Variants in THSD7B observed in about 807,000 individuals in gnomAD.
THSD7B encodes the protein thrombospondin type-1 domain-containing protein 7B.
THSD7B carries 138 observed loss-of-function variants against 213.6 expected under a neutral mutation model. The observed-to-expected ratio is 0.65, with a 90% CI of 0.56 to 0.74. THSD7B has a LOEUF of 0.74. THSD7B is among the 30% of genes least tolerant of loss of function. The probability of loss-of-function intolerance (pLI) is 0.00; values close to 1 mark genes in which losing one functional copy is unlikely to be tolerated. For synonymous variants in THSD7B, 742 were observed against 687.0 expected, an observed-to-expected ratio of 1.08 and a Z score of -1.25; for missense variants, 1,931 against 1,991.5, an observed-to-expected ratio of 0.97 and a Z score of 0.58.
intron 12 of THSD7B, among the ~76,000 whole-genome samples, chr2:137,362,149 G>A (rs999809752): frequency 6.6e-6 from 1 of 152,090 alleles, no homozygotes; most frequent in African/African-American, 2.4e-5. Flanking sequence ...CCTAAGTGAA[G>A]GAGAAATAAA....
At chr2:136,971,992 C>G (rs565228393) in intron 2 of THSD7B, among the ~76,000 whole-genome samples, 13 of 152,108 alleles carry the variant, frequency 8.5e-5, no homozygotes, top group Non-Finnish European at 1.9e-4. Flanking sequence ...AAAGTCCAGA[C>G]ACAGAAAGCA....
At chr2:136,879,458 T>A (rs1348242792) in intron 1 of THSD7B, among the ~76,000 whole-genome samples, 1 of 152,184 alleles carries the variant, frequency 6.6e-6, no homozygotes, top group Non-Finnish European at 1.5e-5. Flanking sequence ...GTGAAGAAAG[T>A]CATTGGTAGC....
At chr2:137,050,711 A>G (rs866044216) in intron 2 of THSD7B, among the ~76,000 whole-genome samples, 4 of 152,166 alleles carry the variant, frequency 2.6e-5, no homozygotes, top group African/African-American at 9.7e-5. Flanking sequence ...TTTAACACAC[A>G]TATTCAGGCC....
intron 2 of THSD7B, among the ~76,000 whole-genome samples, chr2:137,001,527 A>C (rs528117753): frequency 6.6e-6 from 1 of 152,254 alleles, no homozygotes; most frequent in Admixed American, 6.5e-5. Flanking sequence ...TTTTGAGCTC[A>C]GGAGGAAGAA....
intron 12 of THSD7B, among the ~76,000 whole-genome samples, chr2:137,346,066 T>C (rs944918031): frequency 6.6e-6 from 1 of 151,616 alleles, no homozygotes; most frequent in African/African-American, 2.4e-5. Context: ...TTATCCTCTT[T>C]ACTTTTGTTT....
intron 15 of THSD7B, among the ~76,000 whole-genome samples, chr2:137,454,191 T>C (rs1411307306): frequency 6.6e-6 from 1 of 152,188 alleles, no homozygotes; most frequent in East Asian, 1.9e-4. Flanking sequence ...CATATAATTT[T>C]CCATAATGGC....
rs66506919 is a variant in THSD7B at position 137,141,684 on chromosome 2, C to CGTGT, written c.1370-18512_1370-18509dup. 1.0e-4 allele frequency among the ~76,000 whole-genome samples: 15 copies of CGTGT among 150,584 alleles called. No homozygotes were observed. The South Asian group carries it at 1.7e-3, about 17-fold the overall frequency. ...CCATGCCCCTGTGTGTGTGTATGTG[C>CGTGT]GTGTGTGTGTGTGTGTGTGTTTGTA... On this transcript the variant is annotated intron_variant, in intron 5 of 27. Coordinates refer to ENST00000409968, the MANE Select transcript of THSD7B (RefSeq NM_001316349.2).
intron 2 of THSD7B, among the ~76,000 whole-genome samples, chr2:136,973,185 A>G (rs1403271891): frequency 6.6e-6 from 1 of 152,158 alleles, no homozygotes; most frequent in Non-Finnish European, 1.5e-5. Flanking sequence ...CTTATTTTGT[A>G]TTATAATCAG....
chr2:137,448,649 A>T (rs973078331), intron 14 of THSD7B, among the ~76,000 whole-genome samples: 1 of 152,132 alleles, frequency 6.6e-6, no homozygotes, highest in South Asian at 2.1e-4. Flanking sequence ...TACAAAAAAA[A>T]TTAGCCGGGA....
intron 12 of THSD7B, among the ~76,000 whole-genome samples, chr2:137,375,247 C>G (rs1280780878): frequency 2.0e-5 from 3 of 152,006 alleles, no homozygotes. Context: ...CATTGGAAGG[C>G]AGTTTTATAC....
intron 1 of THSD7B, among the ~76,000 whole-genome samples, chr2:136,865,623 G>A (rs1040038144): frequency 1.3e-5 from 2 of 152,062 alleles, no homozygotes; most frequent in African/African-American, 4.8e-5. Flanking sequence ...ATTTCTTCTT[G>A]TCCATGTGAG....
chr2:137,101,194 T>C (rs1270239264), intron 4 of THSD7B, among the ~76,000 whole-genome samples: 2 of 152,016 alleles, frequency 1.3e-5, no homozygotes, highest in Non-Finnish European at 2.9e-5. Flanking sequence ...TGTGCCACCA[T>C]GCCTGGCTGA....
intron 1 of THSD7B, among the ~76,000 whole-genome samples, chr2:136,819,042 G>A (rs1047893348): frequency 1.3e-5 from 2 of 152,080 alleles, no homozygotes; most frequent in Admixed American, 6.6e-5. Flanking sequence ...CATGTAAAAC[G>A]AACTGAGCGG....
intron 1 of THSD7B, among the ~76,000 whole-genome samples, chr2:136,845,140 C>G (rs1463204340): frequency 6.6e-6 from 1 of 152,144 alleles, no homozygotes; most frequent in South Asian, 2.1e-4. Flanking sequence ...GATTGTAATT[C>G]TCTAGAGATG....
rs1680727108 is a variant in THSD7B, at chr2:137,546,434, ATTATATATATT to A, written c.3139-16786_3139-16776del. On this transcript the variant is annotated intron_variant, in intron 15 of 27. Coordinates refer to ENST00000409968, the MANE Select transcript of THSD7B (RefSeq NM_001316349.2). ...TATATATTATATATATTATATATAT[ATTATATATATT>A]ATATATATATTATATATAATATATA... Among the ~76,000 whole-genome samples, 10 of 22,394 alleles carry A rather than the reference ATTATATATATT, an allele frequency of 4.5e-4. 3 individuals carry two copies. Among genetic ancestry groups the A allele is most frequent in the African/African-American group, 2.0e-3 (7 of 3,560 alleles). 14.7% of individuals were successfully genotyped at this position (22,394 alleles called of 152,430 possible).
chr2:136,967,376 G>A (rs572083465), intron 2 of THSD7B, among the ~76,000 whole-genome samples: 118 of 152,068 alleles, frequency 7.8e-4, no homozygotes, highest in Admixed American at 6.4e-3. Context: ...ATTTCTCCTC[G>A]TTCTATTTGT....
intron 7 of THSD7B, among the ~76,000 whole-genome samples, chr2:137,230,496 C>A (rs547573584): frequency 1.3e-5 from 2 of 152,004 alleles, no homozygotes; most frequent in East Asian, 3.9e-4. Context: ...TATGTCAACA[C>A]GTTATATAAT....
intron 12 of THSD7B, among the ~76,000 whole-genome samples, chr2:137,302,124 A>G (rs1022687865): frequency 1.3e-5 from 2 of 152,036 alleles, no homozygotes; most frequent in African/African-American, 4.8e-5. Context: ...GTTATGAGGG[A>G]AAGGTTATTC....
chr2:137,650,321 G>A (rs894393515), intron 21 of THSD7B, among the ~76,000 whole-genome samples: 1 of 151,972 alleles, frequency 6.6e-6, no homozygotes, highest in Non-Finnish European at 1.5e-5. Flanking sequence ...TGATTTGCAG[G>A]TGTTTTATAT....
Sources: allele counts gnomAD v4.1 joint callset (sites outside exome capture counted in the v4.1 genomes callset), GRCh38; gene constraint gnomAD v4.1.1; transcripts MANE v1.5; gene names NCBI Gene and HGNC (gene_info 2026-07-23, HGNC 2026-07-21).